MEGF8: variants seen among roughly 807,000 people sequenced by gnomAD.
MEGF8 encodes multiple EGF like domains 8, also known as multiple epidermal growth factor-like domains protein 8.
In MEGF8, 156 loss-of-function variants were observed where a neutral mutation model predicts 302.9. The observed-to-expected ratio is 0.52, with a 90% confidence interval of 0.45 to 0.59. MEGF8 has a LOEUF of 0.59. Ranked by LOEUF, MEGF8 falls within the 20% of genes least tolerant of loss-of-function variation. The probability of loss-of-function intolerance (pLI) is 0.00; values close to 1 mark genes in which losing one functional copy is unlikely to be tolerated. For synonymous variants in MEGF8, 1,621 were observed against 1,660.5 expected (o/e 0.98, Z 0.58); for missense variants, 3,345 against 3,964.5 (o/e 0.84, Z 4.20).
chr19:42,344,738 G>A lies in MEGF8; in HGVS notation c.2002G>A (p.Val668Ile), dbSNP rs749703192. The change falls in exon 12 of 42, where the codon GTC becomes ATC. Residue 668 changes from valine to isoleucine, a missense_variant. By Grantham distance (29) the Val-to-Ile change is conservative. Transcript: ENST00000251268. The surrounding 1 kb of genome is among the most constrained non-coding windows in gnomAD (Gnocchi z 4.5). ...VGWWGPAPVF[V>I]TSLEACVTQS... ...CTGGTGGGGGCCTGCGCCTGTCTTC[G>A]TCACGTCCCTGGAGGCCTGCGTCAC... 40 of 1,612,028 alleles carry A rather than the reference G, an allele frequency of 2.5e-5. No homozygotes were observed. Among genetic ancestry groups the A allele is most frequent in the Non-Finnish European group, 3.1e-5 (37 of 1,178,914 alleles).
chr19:42,355,670 C>T, intron 23 of MEGF8, 88 bp from the exon 24 acceptor site: 1 of 1,456,530 alleles, frequency 6.9e-7, no homozygotes, highest in Non-Finnish European at 9.1e-7. Context: ...CCTTCCCTGC[C>T]CAGTCACACT....
chr19:42,344,216 C>T lies in MEGF8; in HGVS notation c.1788+143C>T. ...GGAGATCCTCCTTCCTGATTCCTGA[C>T]TGCGGAGCCCTGAACCTTTGCCTAT... is the stretch of plus-strand genomic sequence containing the variant. On this transcript the variant is annotated intron_variant, in intron 10 of 41. Transcript: ENST00000251268. The surrounding 1 kb of genome is among the most constrained non-coding windows in gnomAD (Gnocchi z 4.5). 1 of 1,330,430 alleles carries T rather than the reference C, an allele frequency of 7.5e-7. No homozygotes were observed. The highest frequency in any genetic ancestry group is 2.5e-5 in the Admixed American group (1 of 39,566). 82.4% of individuals were successfully genotyped at this position (1,330,430 alleles called of 1,614,324 possible). A position where few individuals can be genotyped will look rare whatever the true frequency, so the allele number is the denominator to read the frequency against.
chr19:42,357,723 A>G lies in MEGF8; in HGVS notation c.5011+139A>G. 1 of 800,140 alleles carries G rather than the reference A, an allele frequency of 1.2e-6. No homozygotes were observed. The highest frequency in any genetic ancestry group is 1.9e-6 in the Non-Finnish European group (1 of 517,276). The allele number at this position is 800,140 out of a possible 1,614,324, so 49.6% of individuals were successfully genotyped here. A position where few individuals can be genotyped will look rare whatever the true frequency, so the allele number is the denominator to read the frequency against. On this transcript the variant is annotated intron_variant, in intron 28 of 41. Transcript: ENST00000251268. This position sits in a 1 kb window ranked among gnomAD's most constrained non-coding sequence, Gnocchi z 5.2. ...CCATCCCCATGCAGATTCTCAGGGC[A>G]CCCTCTTGAATGTTCAGATTTTCTG...
In MEGF8 at chr19:42,362,631, C is replaced by G. The variant is rs922407700; in HGVS notation, c.6058+34C>G. ...TGGGCCTAGTTCCTGAGAGGGGAGT[C>G]TTGGGGCCTGGACTCCTGGGTCTGA... On this transcript the variant is annotated intron_variant, in intron 34 of 41. Coordinates refer to ENST00000251268, the MANE Select transcript of MEGF8 (RefSeq NM_001271938.2). 5 of 1,601,794 alleles carry G rather than the reference C, an allele frequency of 3.1e-6. No individual in the cohort carries two copies. In the Admixed American group the frequency reaches 8.3e-5, roughly 27 times the overall value.
chr19:42,368,949 C>A lies in MEGF8; in HGVS notation c.6588C>A (p.His2196Gln), dbSNP rs751105144. 1 of 1,613,922 alleles carries A rather than the reference C, an allele frequency of 6.2e-7. No homozygotes were observed. Among genetic ancestry groups the A allele is most frequent in the East Asian group, 2.2e-5 (1 of 44,890 alleles). The change falls in exon 37 of 42, where the codon CAC becomes CAA. Residue 2196 changes from histidine to glutamine, a missense_variant. His to Gln is a conservative substitution (Grantham distance 24). Coordinates refer to ENST00000251268, the MANE Select transcript of MEGF8 (RefSeq NM_001271938.2). The surrounding 1 kb of genome is among the most constrained non-coding windows in gnomAD (Gnocchi z 4.9). ...ACTGCAACGAGACGCAGAATTGCCACGACCAGCCCCACGGCTATGAGTGCA... is the reference window on the plus strand; with the variant it reads ...ACTGCAACGAGACGCAGAATTGCCAAGACCAGCCCCACGGCTATGAGTGCA... ...HHDCNETQNC[H>Q]DQPHGYECSC...
chr19:42,338,979 G>A (rs1600023990), intron 8 of MEGF8, among the ~76,000 whole-genome samples: 2 of 150,790 alleles, frequency 1.3e-5, no homozygotes, highest in South Asian at 4.2e-4. Context: ...GATTACAGGC[G>A]CCTACCACCA....
intron 8 of MEGF8, among the ~76,000 whole-genome samples, chr19:42,338,714 T>C (rs2039167492): frequency 6.6e-6 from 1 of 152,024 alleles, no homozygotes; most frequent in African/African-American, 2.4e-5. Flanking sequence ...TAAGGGCCTC[T>C]AGCTCCATCC....
At position 42,368,446 on chromosome 19, in the gene MEGF8, C is replaced by T. The variant is rs373417416; in HGVS notation, c.6274-9C>T. 3.6e-5 allele frequency: 58 copies of T among 1,595,512 alleles called. 1 individual carries two copies. The highest frequency in any genetic ancestry group is 3.5e-4 in the South Asian group (31 of 88,232). On this transcript the variant is annotated splice_polypyrimidine_tract_variant and intron_variant, in intron 35 of 41. Coordinates refer to ENST00000251268, the MANE Select transcript of MEGF8 (RefSeq NM_001271938.2). This position sits in a 1 kb window ranked among gnomAD's most constrained non-coding sequence, Gnocchi z 4.9. ...TTCCCTGCATCCCCATCCCCTCCCCCCCATACAGTGTCTGAGCCCTTCCTA... is the reference window on the plus strand; with the variant it reads ...TTCCCTGCATCCCCATCCCCTCCCCTCCATACAGTGTCTGAGCCCTTCCTA...
At chr19:42,327,298 G>A (rs2038997365) in intron 1 of MEGF8, among the ~76,000 whole-genome samples, 1 of 152,198 alleles carries the variant, frequency 6.6e-6, no homozygotes, top group Non-Finnish European at 1.5e-5. Flanking sequence ...GACAGCTCCA[G>A]CAATCCCTGG....
rs1257255407 is a variant in MEGF8, at chr19:42,375,519, C to T, written c.7282C>T (p.Arg2428Trp). 6.9e-6 allele frequency: 11 copies of T among 1,584,576 alleles called. No individual in the cohort carries two copies. Among genetic ancestry groups the T allele is most frequent in the Admixed American group, 1.8e-5 (1 of 55,612 alleles). ...DCYKYQCAKC[R>W]ESFHGSPLGG... ...ACCCTGCCCGCAGTGCGCCAAGTGC[C>T]GGGAATCATTTCACGGGAGTCCGCT... Residue 2428 changes from arginine to tryptophan, a missense_variant, in exon 42 of 42, where the codon CGG (arginine) becomes TGG (tryptophan). Coordinates refer to ENST00000251268, the MANE Select transcript of MEGF8 (RefSeq NM_001271938.2). The surrounding 1 kb of genome is among the most constrained non-coding windows in gnomAD (Gnocchi z 7.1).
Position 42,376,780 on chromosome 19 carries a change from C to T in MEGF8, c.*5C>T, listed in dbSNP as rs1224893834. 1 of 1,437,198 alleles carries T rather than the reference C, an allele frequency of 7.0e-7. No homozygotes were observed. Among genetic ancestry groups the T allele is most frequent in the Non-Finnish European group, 9.1e-7 (1 of 1,098,316 alleles). The allele number at this position is 1,437,198 out of a possible 1,614,324, so 89.0% of individuals were successfully genotyped here. On this transcript the variant is annotated 3_prime_UTR_variant, in exon 42 of 42. Coordinates refer to ENST00000251268, the MANE Select transcript of MEGF8 (RefSeq NM_001271938.2). This position sits in a 1 kb window ranked among gnomAD's most constrained non-coding sequence, Gnocchi z 8.2. ...CTCACCAGCATGTCCCTCTGACATG[C>T]CCAGGGTTCTCATCCACAGCAGCTG...
chr19:42,354,360 AGAAAGG>A lies in MEGF8; in HGVS notation c.4012-226_4012-221del. ...ACTGACTGCCAGGAGCTGCATGTTG[AGAAAGG>A]GGCTCAATGCAAGAGTGCCTGATAG... On this transcript the variant is annotated intron_variant, in intron 22 of 41. Transcript: ENST00000251268. The surrounding 1 kb of genome is among the most constrained non-coding windows in gnomAD (Gnocchi z 4.3). Among the ~76,000 whole-genome samples the A allele has an allele frequency of 6.6e-6, 1 of 152,028 alleles. No homozygotes were observed. Among genetic ancestry groups the A allele is most frequent in the Non-Finnish European group, 1.5e-5 (1 of 68,016 alleles).
chr19:42,343,387 G>T (rs1316455265), intron 8 of MEGF8, 90 bp from the exon 9 acceptor site: 4 of 1,414,708 alleles, frequency 2.8e-6, no homozygotes, highest in Non-Finnish European at 3.8e-6. Context: ...GGAATAGAAG[G>T]CTGGGCTGTG....
intron 14 of MEGF8, 149 bp from the exon 15 acceptor site, chr19:42,349,999 C>A: frequency 1.5e-6 from 1 of 673,206 alleles, no homozygotes; most frequent in Non-Finnish European, 2.5e-6. Context: ...TTCCTCCAGA[C>A]CTTGGACCTC....
chr19:42,333,960 A>G lies in MEGF8; in HGVS notation c.352-47A>G, dbSNP rs766086356. ...CAGGAGTGGGCCACCCTCCCAGGAC[A>G]ATCCCCAGGCCCTGCCCACCTTACC... is the stretch of plus-strand genomic sequence containing the variant. On this transcript the variant is annotated intron_variant, in intron 2 of 41. Coordinates refer to ENST00000251268, the MANE Select transcript of MEGF8 (RefSeq NM_001271938.2). 5 of 1,579,248 alleles carry G rather than the reference A, an allele frequency of 3.2e-6. No individual in the cohort carries two copies. The Admixed American group carries it at 9.0e-5, about 29-fold the overall frequency.
chr19:42,369,080 G>C lies in MEGF8; in HGVS notation c.6641+78G>C. ...GGGGAGCAGTAATGGATGAGGCCTAGAGCCAAGCAGGACAGAAGAAAAGAA... is the reference window on the plus strand; with the variant it reads ...GGGGAGCAGTAATGGATGAGGCCTACAGCCAAGCAGGACAGAAGAAAAGAA... On this transcript the variant is annotated intron_variant, in intron 37 of 41. Transcript: ENST00000251268. This position sits in a 1 kb window ranked among gnomAD's most constrained non-coding sequence, Gnocchi z 5.7. 1.9e-6 allele frequency: 3 copies of C among 1,543,840 alleles called. No homozygotes were observed. Among genetic ancestry groups the C allele is most frequent in the Non-Finnish European group, 2.6e-6 (3 of 1,143,824 alleles).
intron 5 of MEGF8, 111 bp downstream of exon 5, chr19:42,335,496 A>T: frequency 2.1e-6 from 2 of 940,344 alleles, no homozygotes; most frequent in Non-Finnish European, 1.6e-6. Flanking sequence ...CTGCAGCTTG[A>T]TATAGGAACC....
rs547281133 is a variant in MEGF8, at chr19:42,375,356, G to A, written c.7270-151G>A. 8 of 813,826 alleles carry A rather than the reference G, an allele frequency of 9.8e-6. No homozygotes were observed. Among genetic ancestry groups the A allele is most frequent in the East Asian group, 2.7e-5 (1 of 37,190 alleles). 50.4% of individuals were successfully genotyped at this position (813,826 alleles called of 1,614,324 possible). A position where few individuals can be genotyped will look rare whatever the true frequency, so the allele number is the denominator to read the frequency against. ...CTACACTGTGGCAGAGAAGGTCCGG[G>A]GGGTCACAGGGAAGTGACTGGGGCA... is the stretch of plus-strand genomic sequence containing the variant. On this transcript the variant is annotated intron_variant, in intron 41 of 41. Transcript: ENST00000251268. The surrounding 1 kb of genome is among the most constrained non-coding windows in gnomAD (Gnocchi z 7.1).
chr19:42,376,101 C>A lies in MEGF8; in HGVS notation c.7864C>A (p.Pro2622Thr). ...CCTGCTGCTGCTGGGCGTGGGAGAC[C>A]CAAGTGGGCCCGGCGCCAACGGCTC... ...FYLLLLGVGD[P>T]SGPGANGSAD... The change falls in exon 42 of 42, where the codon CCA becomes ACA. Residue 2622 changes from proline to threonine, a missense_variant. Transcript: ENST00000251268. The surrounding 1 kb of genome is among the most constrained non-coding windows in gnomAD (Gnocchi z 8.2). 1 of 1,606,584 alleles carries A rather than the reference C, an allele frequency of 6.2e-7. No individual in the cohort carries two copies. Among genetic ancestry groups the A allele is most frequent in the Non-Finnish European group, 8.5e-7 (1 of 1,179,766 alleles).
Sources: gnomAD v4.1 joint callset for allele counts (sites outside exome capture counted in the v4.1 genomes callset) on GRCh38, gnomAD v4.1.1 for gene constraint, Gnocchi (gnomAD v3.1) non-coding constraint, MANE v1.5 for transcripts, NCBI Gene and HGNC (gene_info 2026-07-23, HGNC 2026-07-21) for gene names.